The following THOC5 variants were observed in gnomAD, a reference collection of about 807,000 sequenced individuals.
THOC5 encodes THO complex subunit 5, also known as Fms-interacting protein.
In THOC5, 43 loss-of-function variants were observed where a neutral mutation model predicts 92.9. The ratio of observed to expected loss-of-function variants is 0.46; its 90% CI spans 0.36 to 0.60. The LOEUF (loss-of-function observed/expected upper bound fraction) is 0.60. THOC5 is among the 20% of genes least tolerant of loss of function. The probability of loss-of-function intolerance (pLI) is 0.00; values close to 1 mark genes in which losing one functional copy is unlikely to be tolerated. For synonymous variants in THOC5, 296 were observed against 320.1 expected (o/e 0.92, Z 0.80); for missense variants, 659 against 849.4 (o/e 0.78, Z 2.79).
intron 19 of THOC5, 40 bp downstream of exon 19, chr22:29,511,066 T>G (rs763733047): frequency 1.3e-6 from 2 of 1,589,778 alleles, no homozygotes; most frequent in Non-Finnish European, 1.7e-6. Flanking sequence ...CTGTCCCACA[T>G]CACCATGAGA....
intron 11 of THOC5, 64 bp from the exon 12 acceptor site, chr22:29,526,010 A>C: frequency 5.0e-6 from 4 of 792,610 alleles, no homozygotes; most frequent in Non-Finnish European, 8.0e-6. Context: ...GAACAGAGTC[A>C]TAGGGGGTAG....
intron 2 of THOC5, among the ~76,000 whole-genome samples, chr22:29,546,296 T>C (rs1201818574): frequency 6.6e-6 from 1 of 152,210 alleles, no homozygotes; most frequent in African/African-American, 2.4e-5. Flanking sequence ...GTCTCTGACA[T>C]GGCCTGGAGA....
chr22:29,508,452 G>A lies in THOC5; in HGVS notation c.*5C>T. On this transcript the variant is annotated 3_prime_UTR_variant, in exon 20 of 20. Coordinates refer to ENST00000490103, the MANE Select transcript of THOC5 (RefSeq NM_003678.5). ...CTTGGGGGAAACAACGGTCTGCGCG[G>A]GAGATCAGCGATGGCTGAAGAATCC... 1 of 1,614,164 alleles carries A rather than the reference G, an allele frequency of 6.2e-7. No individual in the cohort carries two copies. Among genetic ancestry groups the A allele is most frequent in the Non-Finnish European group, 8.5e-7 (1 of 1,180,000 alleles).
chr22:29,535,295 T>C (rs993210063), intron 7 of THOC5: 4 of 131,906 alleles, frequency 3.0e-5, no homozygotes, highest in African/African-American at 1.1e-4. Context: ...TTTAAAGTCA[T>C]GGGGGGCGGT....
chr22:29,525,991 G>T (rs374990125), intron 11 of THOC5, 45 bp from the exon 12 acceptor site: 3 of 1,267,770 alleles, frequency 2.4e-6, no homozygotes, highest in African/African-American at 3.0e-5. Context: ...AAAACACTCA[G>T]AGCAGAGTGA....
rs762755954 is a variant in THOC5, at chr22:29,529,148, AACC to A, written c.925+11_925+13del. ...CTGGTGTCCCTGGGGGACGAATCCC[AACC>A]ACCACATTACCTTGGGAGTCCTCTG... On this transcript the variant is annotated intron_variant, in intron 9 of 19. Transcript: ENST00000490103. The A allele has an allele frequency of 8.1e-6, 13 of 1,614,016 alleles. No homozygotes were observed. In the African/African-American group the frequency reaches 9.3e-5, roughly 12 times the overall value.
At chr22:29,511,953 G>T in intron 18 of THOC5, 68 bp downstream of exon 18, 3 of 1,336,916 alleles carry the variant, frequency 2.2e-6, no homozygotes, top group Admixed American at 3.6e-5. Flanking sequence ...AGCTGCAGTG[G>T]GTTCTGCCAC....
chr22:29,523,220 C>T (rs899824517), intron 12 of THOC5, among the ~76,000 whole-genome samples: 2 of 151,410 alleles, frequency 1.3e-5, no homozygotes, highest in African/African-American at 4.9e-5. Context: ...CCGGCCTGGG[C>T]GACACACAGA....
intron 12 of THOC5, among the ~76,000 whole-genome samples, chr22:29,522,711 A>T (rs905131673): frequency 1.3e-5 from 2 of 152,198 alleles, no homozygotes; most frequent in African/African-American, 4.8e-5. Context: ...GGGATTAAAA[A>T]AACCTTAGTG....
At chr22:29,523,283 T>G (rs1015735346) in intron 12 of THOC5, among the ~76,000 whole-genome samples, 2 of 151,742 alleles carry the variant, frequency 1.3e-5, no homozygotes, top group Non-Finnish European at 2.9e-5. Flanking sequence ...ATAAAAACAT[T>G]AACTCTGTCA....
intron 12 of THOC5, among the ~76,000 whole-genome samples, chr22:29,524,073 A>G (rs530334705): frequency 6.6e-6 from 1 of 152,286 alleles, no homozygotes; most frequent in East Asian, 1.9e-4. Flanking sequence ...GCTAGACAAC[A>G]CCTGAAGGCC....
At chr22:29,508,562 T>C (rs1167258101) in intron 19 of THOC5, 42 bp from the exon 20 acceptor site, 2 of 1,528,676 alleles carry the variant, frequency 1.3e-6, no homozygotes, top group African/African-American at 1.4e-5. Flanking sequence ...ACACACCTTC[T>C]AGGCTGATAA....
At chr22:29,546,250 G>A (rs1389430352) in intron 2 of THOC5, among the ~76,000 whole-genome samples, 3 of 151,988 alleles carry the variant, frequency 2.0e-5, no homozygotes, top group Non-Finnish European at 4.4e-5. Flanking sequence ...TTTCCTCCTG[G>A]GCCTCTGGGC....
rs577857770 is a variant in THOC5, at chr22:29,552,286, G to A, written c.-12+1385C>T. ...AGGAGCCCCTCTGCCCGGCTGCCCA[G>A]TCTGGGAAGTGAGGAGCACCTCTTC... On this transcript the variant is annotated intron_variant, in intron 1 of 19. Coordinates refer to ENST00000490103, the MANE Select transcript of THOC5 (RefSeq NM_003678.5). 1.4e-4 allele frequency among the ~76,000 whole-genome samples: 20 copies of A among 143,942 alleles called. No homozygotes were observed. The South Asian group carries it at 4.3e-3, about 31-fold the overall frequency. The allele number at this position is 143,942 out of a possible 152,430, so 94.4% of individuals were successfully genotyped here.
intron 7 of THOC5, chr22:29,534,772 G>T (rs1370487076): frequency 1.3e-5 from 2 of 151,272 alleles, no homozygotes; most frequent in Non-Finnish European, 1.5e-5. Context: ...GGCTAACATG[G>T]TGAAACCCCG....
At chr22:29,522,448 A>G (rs1360966371) in intron 12 of THOC5, among the ~76,000 whole-genome samples, 2 of 152,082 alleles carry the variant, frequency 1.3e-5, no homozygotes, top group East Asian at 3.9e-4. Context: ...TAATAGATTG[A>G]TTCAATCTAT....
At position 29,538,226 on chromosome 22, in the gene THOC5, C is replaced by A. The variant is rs556997447; in HGVS notation, c.599+1104G>T. On this transcript the variant is annotated intron_variant, in intron 6 of 19. Transcript: ENST00000490103. ...CTCGATCTCCTGACCTTGTGATCCGCCTGCCTTGGCCTCCCAAAGTGCTGG... is the reference window on the plus strand; with the variant it reads ...CTCGATCTCCTGACCTTGTGATCCGACTGCCTTGGCCTCCCAAAGTGCTGG... 1.6e-4 allele frequency among the ~76,000 whole-genome samples: 24 copies of A among 152,260 alleles called. No individual in the cohort carries two copies. In the South Asian group the frequency reaches 1.7e-3, roughly 11 times the overall value.
intron 5 of THOC5, among the ~76,000 whole-genome samples, chr22:29,541,371 G>T (rs973557889): frequency 2.0e-5 from 3 of 151,656 alleles, no homozygotes; most frequent in Non-Finnish European, 4.4e-5. Context: ...GCCAGGCATG[G>T]TGGTGCATGC....
intron 8 of THOC5, 41 bp downstream of exon 8, chr22:29,531,790 G>A (rs1458606445): frequency 1.9e-6 from 3 of 1,590,692 alleles, no homozygotes; most frequent in Non-Finnish European, 2.6e-6. Flanking sequence ...CACAGCTGCT[G>A]CTCCCATAGC....
Sources: gnomAD v4.1 joint callset for allele counts (sites outside exome capture counted in the v4.1 genomes callset) on GRCh38, gnomAD v4.1.1 for gene constraint, MANE v1.5 for transcripts, NCBI Gene and HGNC (gene_info 2026-07-23, HGNC 2026-07-21) for gene names.